SH3GLB2: variants seen among roughly 807,000 people sequenced by gnomAD.
SH3GLB2 encodes the protein endophilin-B2.
Under a neutral mutation model 48.0 loss-of-function variants are expected in SH3GLB2, and 24 were observed. That is an observed-to-expected ratio of 0.50 (90% CI 0.36 to 0.70). The LOEUF (loss-of-function observed/expected upper bound fraction) is 0.70, where lower values mean the gene tolerates loss of function less well. Ranked by LOEUF, SH3GLB2 falls within the 30% of genes least tolerant of loss-of-function variation. The probability of loss-of-function intolerance (pLI) is 0.00; values close to 1 mark genes in which losing one functional copy is unlikely to be tolerated. For missense variants in SH3GLB2, 425 were observed against 516.0 expected (o/e 0.82, Z 1.71); for synonymous variants, 227 against 207.6 (o/e 1.09, Z -0.80).
intron 5 of SH3GLB2, chr9:129,013,863 C>A: frequency 2.8e-6 from 1 of 352,040 alleles, no homozygotes; most frequent in South Asian, 2.1e-5. Flanking sequence ...CCCATTGACC[C>A]AGCCAGGCTG....
intron 7 of SH3GLB2, 129 bp from the exon 8 acceptor site, chr9:129,010,338 T>G: frequency 1.3e-6 from 1 of 772,804 alleles, no homozygotes; most frequent in Non-Finnish European, 2.1e-6. Flanking sequence ...TCTGGGTCTA[T>G]GCCTGACTTC....
chr9:129,028,231 C>A lies in SH3GLB2; in HGVS notation c.-77G>T. The A allele has an allele frequency of 1.0e-6, 1 of 990,754 alleles. No individual in the cohort carries two copies. The highest frequency in any genetic ancestry group is 1.2e-6 in the Non-Finnish European group (1 of 812,670). The allele number at this position is 990,754 out of a possible 1,614,324, so 61.4% of individuals were successfully genotyped here. ...GGCCCAGCCGCCGCCGCCAACCGCA[C>A]CCCGCCCACCTGCTGCGGGGCACCA... On this transcript the variant is annotated 5_prime_UTR_variant, in exon 1 of 11. Transcript: ENST00000372564.
At chr9:129,024,318 T>G (rs940845500) in intron 1 of SH3GLB2, among the ~76,000 whole-genome samples, 5 of 150,936 alleles carry the variant, frequency 3.3e-5, no homozygotes, top group African/African-American at 1.2e-4. Flanking sequence ...TCCCAGCACT[T>G]TGGGAGGCCA....
rs376058963 is a variant in SH3GLB2 at position 129,022,378 on chromosome 9, C to T, written c.109G>A (p.Ala37Thr). 121 of 1,612,630 alleles carry T rather than the reference C, an allele frequency of 7.5e-5. 3 individuals carry two copies. In the Admixed American group the frequency reaches 1.8e-3, roughly 24 times the overall value. The change falls in exon 2 of 11, where the codon GCC becomes ACC. Residue 37 changes from alanine to threonine, a missense_variant. Transcript: ENST00000372564. ...CGGGCCAGAAGGTTTTCAAAGTGGGCATCAAGCTCAGTCTTCTCAGCCTGG... is the reference window on the plus strand; with the variant it reads ...CGGGCCAGAAGGTTTTCAAAGTGGGTATCAAGCTCAGTCTTCTCAGCCTGG... ...FGQAEKTELD[A>T]HFENLLARAD...
At chr9:129,017,986 G>A (rs1306965522) in intron 3 of SH3GLB2, among the ~76,000 whole-genome samples, 1 of 151,720 alleles carries the variant, frequency 6.6e-6, no homozygotes, top group Non-Finnish European at 1.5e-5. Flanking sequence ...TCAGAAGGCT[G>A]AGAGGCTGAG....
rs1843867156 is a variant in SH3GLB2, at chr9:129,022,431, G to A, written c.64-8C>T. On this transcript the variant is annotated splice_polypyrimidine_tract_variant and splice_region_variant and intron_variant, in intron 1 of 10. Transcript: ENST00000372564. ...AAATTTCTCCTCCGTGAACTACGCA[G>A]AGGGGAAGGCCAAGGGGTGGGGAGG... The A allele has an allele frequency of 1.2e-6, 2 of 1,613,120 alleles. No individual in the cohort carries two copies. Among genetic ancestry groups the A allele is most frequent in the East Asian group, 2.2e-5 (1 of 44,850 alleles).
At chr9:129,020,236 A>G (rs1179340022) in intron 3 of SH3GLB2, among the ~76,000 whole-genome samples, 2 of 137,496 alleles carry the variant, frequency 1.5e-5, no homozygotes, top group Admixed American at 7.7e-5. Flanking sequence ...AAAAAAAGTC[A>G]GGTTCCCAGA....
chr9:129,009,382 C>T, intron 9 of SH3GLB2, 36 bp from the exon 10 acceptor site: 1 of 1,550,834 alleles, frequency 6.4e-7, no homozygotes, highest in East Asian at 2.4e-5. Flanking sequence ...AGGTGGGAGT[C>T]CCAGAAGGGA....
intron 2 of SH3GLB2, 48 bp from the exon 3 acceptor site, chr9:129,021,267 C>CA: frequency 6.5e-6 from 10 of 1,545,950 alleles, no homozygotes; most frequent in Non-Finnish European, 8.7e-6. Context: ...AGTTCAAGCC[C>CA]AAAAATGAAA....
At position 129,014,391 on chromosome 9, in the gene SH3GLB2, C is replaced by T. The variant is rs542693494; in HGVS notation, c.561+20G>A. The T allele has an allele frequency of 2.7e-5, 42 of 1,548,118 alleles. No individual in the cohort carries two copies. The South Asian group carries it at 4.3e-4, about 16-fold the overall frequency. On this transcript the variant is annotated intron_variant, in intron 5 of 10. Coordinates refer to ENST00000372564, the MANE Select transcript of SH3GLB2 (RefSeq NM_020145.4). This position sits in a 1 kb window ranked among gnomAD's most constrained non-coding sequence, Gnocchi z 4.1. ...GCCAGAGCCTGGGCCAGGAGGCCAG[C>T]GGGGAGCGGGGACACCTACCGTGGC...
At chr9:129,010,812 C>A (rs903223992) in intron 6 of SH3GLB2, 119 bp from the exon 7 acceptor site, 7 of 1,269,998 alleles carry the variant, frequency 5.5e-6, no homozygotes, top group Non-Finnish European at 7.7e-6. Flanking sequence ...CCCCTCTGCC[C>A]CCCCTCCCAA....
Position 129,014,246 on chromosome 9 carries a change from T to C in SH3GLB2, c.561+165A>G, listed in dbSNP as rs1013282574. On this transcript the variant is annotated intron_variant, in intron 5 of 10. Transcript: ENST00000372564. This position sits in a 1 kb window ranked among gnomAD's most constrained non-coding sequence, Gnocchi z 4.1. Reference sequence around the variant, plus strand: ...AGCTCGGGGGCCACCAAGGCTCCCTTGAGGGCAGGGACAGAGAGGCTCAGC... The same window carrying C: ...AGCTCGGGGGCCACCAAGGCTCCCTCGAGGGCAGGGACAGAGAGGCTCAGC... Among the ~76,000 whole-genome samples, 10 of 151,986 alleles carry C rather than the reference T, an allele frequency of 6.6e-5. No homozygotes were observed. Among genetic ancestry groups the C allele is most frequent in the Non-Finnish European group, 1.5e-4 (10 of 67,964 alleles).
intron 3 of SH3GLB2, among the ~76,000 whole-genome samples, chr9:129,020,869 C>CA (rs1288932842): frequency 7.3e-4 from 89 of 121,810 alleles, no homozygotes; most frequent in African/African-American, 2.2e-3. Context: ...GACTCCATCT[C>CA]AAAAAAAAAC....
chr9:129,027,733 T>G (rs1844243957), intron 1 of SH3GLB2, among the ~76,000 whole-genome samples: 1 of 152,126 alleles, frequency 6.6e-6, no homozygotes, highest in Non-Finnish European at 1.5e-5. Context: ...GGGACCCAGG[T>G]CGCTAAATGC....
chr9:129,008,327 C>T lies in SH3GLB2; in HGVS notation c.*357G>A, dbSNP rs540681945. On this transcript the variant is annotated 3_prime_UTR_variant, in exon 11 of 11. Coordinates refer to ENST00000372564, the MANE Select transcript of SH3GLB2 (RefSeq NM_020145.4). ...TTTGGCAACTGAAAGGCAGGGCTCT[C>T]GCTGAGTGCACCTGGGGCTTCCTGA... 28 of 255,636 alleles carry T rather than the reference C, an allele frequency of 1.1e-4. No homozygotes were observed. The East Asian group carries it at 2.1e-3, about 19-fold the overall frequency. 15.8% of individuals were successfully genotyped at this position (255,636 alleles called of 1,614,324 possible).
chr9:129,016,340 T>C (rs1843415501), intron 3 of SH3GLB2, among the ~76,000 whole-genome samples: 1 of 71,442 alleles, frequency 1.4e-5, no homozygotes, highest in African/African-American at 6.4e-5. Context: ...CAAGACTGTC[T>C]TTAAAAAAAA....
chr9:129,009,467 G>C (rs751805021), intron 9 of SH3GLB2, 121 bp from the exon 10 acceptor site: 1 of 1,549,434 alleles, frequency 6.5e-7, no homozygotes, highest in African/African-American at 1.4e-5. Context: ...CACCCTGGGA[G>C]CTGGCAGCAC....
At chr9:129,026,600 AC>A (rs1844178022) in intron 1 of SH3GLB2, among the ~76,000 whole-genome samples, 1 of 146,810 alleles carries the variant, frequency 6.8e-6, no homozygotes, top group South Asian at 2.3e-4. Flanking sequence ...AGTAACAGTG[AC>A]CCTGTGGGGC....
intron 1 of SH3GLB2, among the ~76,000 whole-genome samples, chr9:129,027,200 A>T (rs1844212459): frequency 6.6e-6 from 1 of 152,196 alleles, no homozygotes; most frequent in Non-Finnish European, 1.5e-5. Flanking sequence ...CCAAGGTCAC[A>T]TGCTGCACAG....
Sources: allele counts gnomAD v4.1 joint callset (sites outside exome capture counted in the v4.1 genomes callset), GRCh38; gene constraint gnomAD v4.1.1; non-coding constraint Gnocchi (gnomAD v3.1); transcripts MANE v1.5; gene names NCBI Gene and HGNC (gene_info 2026-07-23, HGNC 2026-07-21).